Variants in SORCS1 observed in about 807,000 individuals in gnomAD.
SORCS1 encodes VPS10 domain-containing receptor SorCS1.
In SORCS1, 60 loss-of-function variants were observed where a neutral mutation model predicts 146.1. The ratio of observed to expected loss-of-function variants is 0.41; its 90% confidence interval spans 0.33 to 0.51. The LOEUF is 0.51. Among genes scored for constraint, SORCS1 ranks in the 20% least tolerant of loss-of-function variants. The probability of loss-of-function intolerance (pLI) is 0.21; values close to 1 mark genes in which losing one functional copy is unlikely to be tolerated. For synonymous variants in SORCS1, 637 were observed against 584.0 expected (o/e 1.09, Z -1.31); for missense variants, 1,352 against 1,487.6 (o/e 0.91, Z 1.50).
the SORCS1 span, among the ~76,000 whole-genome samples, chr10:107,179,325 T>A: frequency 6.6e-6 from 1 of 152,232 alleles, no homozygotes; most frequent in Non-Finnish European, 1.5e-5. Context: ...GATATGTTAA[T>A]TAGCCTGATG....
chr10:106,692,465 G>A (rs1384685665), intron 9 of SORCS1, among the ~76,000 whole-genome samples: 2 of 152,168 alleles, frequency 1.3e-5, no homozygotes, highest in African/African-American at 4.8e-5. Flanking sequence ...GATGCGAGGA[G>A]GAGAAATGGG....
intron 1 of SORCS1, among the ~76,000 whole-genome samples, chr10:107,058,074 C>T (rs1214028233): frequency 1.3e-5 from 2 of 152,122 alleles, no homozygotes; most frequent in African/African-American, 4.8e-5. Context: ...CGGAGTCTTG[C>T]TCTGTCGCCC....
At chr10:106,810,078 A>G (rs1299888520) in intron 3 of SORCS1, among the ~76,000 whole-genome samples, 2 of 152,146 alleles carry the variant, frequency 1.3e-5, no homozygotes, top group Non-Finnish European at 2.9e-5. Context: ...AAAATTAGCC[A>G]AGTGTCGTGG....
chr10:107,085,814 A>G (rs1031793724), intron 1 of SORCS1, among the ~76,000 whole-genome samples: 5 of 152,240 alleles, frequency 3.3e-5, no homozygotes, highest in Non-Finnish European at 4.4e-5. Flanking sequence ...CAAGAAGAGT[A>G]GACAATGAGC....
At chr10:106,956,129 CAA>C (rs201562634) in intron 2 of SORCS1, among the ~76,000 whole-genome samples, 17 of 125,394 alleles carry the variant, frequency 1.4e-4, no homozygotes, top group Admixed American at 2.5e-4. Context: ...AACTCCGTCT[CAA>C]AAAAAAAAAA....
chr10:106,924,362 T>C (rs1952877347), intron 2 of SORCS1, among the ~76,000 whole-genome samples: 1 of 152,200 alleles, frequency 6.6e-6, no homozygotes, highest in South Asian at 2.1e-4. Context: ...AGGAACATTT[T>C]ATTGTATTAG....
chr10:106,863,814 T>TA (rs1223246386), intron 2 of SORCS1, among the ~76,000 whole-genome samples: 3,287 of 135,910 alleles, frequency 0.024, 86 homozygotes, highest in East Asian at 0.13. Context: ...AGATTTTCCT[T>TA]AAAAAAAAAA....
At chr10:107,061,152 T>A (rs1961178195) in intron 1 of SORCS1, among the ~76,000 whole-genome samples, 1 of 152,138 alleles carries the variant, frequency 6.6e-6, no homozygotes, top group Admixed American at 6.6e-5. Flanking sequence ...TCTGATGGTG[T>A]TTAACGAGAA....
At position 106,977,953 on chromosome 10, in the gene SORCS1, A is replaced by AT. The variant is rs757545316; in HGVS notation, c.559-21374dup. ...GCGCATGATATGTTTGTGGTTCATC[A>AT]TTTTTTTTGAGATGGAGTTTTGCTC... On this transcript the variant is annotated intron_variant, in intron 1 of 25. Transcript: ENST00000263054. Among the ~76,000 whole-genome samples the AT allele has an allele frequency of 5.9e-5, 9 of 152,012 alleles. No homozygotes were observed. In the East Asian group the frequency reaches 7.7e-4, roughly 13 times the overall value.
chr10:106,610,817 G>A (rs766952510), intron 22 of SORCS1, among the ~76,000 whole-genome samples: 4 of 152,186 alleles, frequency 2.6e-5, no homozygotes, highest in South Asian at 4.1e-4. Flanking sequence ...AGTGGCTCAC[G>A]CCTGTAATCC....
intron 3 of SORCS1, 32 bp downstream of exon 3, chr10:106,829,542 A>G: frequency 1.3e-6 from 2 of 1,493,872 alleles, no homozygotes; most frequent in Non-Finnish European, 1.8e-6. Context: ...TCACATCATG[A>G]ATGAGTAGCA....
intron 17 of SORCS1, among the ~76,000 whole-genome samples, chr10:106,662,041 G>A (rs2135383397): frequency 6.6e-6 from 1 of 152,272 alleles, no homozygotes; most frequent in African/African-American, 2.4e-5. Flanking sequence ...CCACCTGGAG[G>A]GACATTCTGC....
At chr10:106,892,277 C>G (rs1006524769) in intron 2 of SORCS1, among the ~76,000 whole-genome samples, 6 of 152,182 alleles carry the variant, frequency 3.9e-5, no homozygotes, top group African/African-American at 1.2e-4. Flanking sequence ...CAACTGCAAT[C>G]CACTTGTCTT....
intron 4 of SORCS1, 53 bp downstream of exon 4, chr10:106,776,481 A>G (rs1017766473): frequency 1.2e-5 from 20 of 1,601,852 alleles, no homozygotes; most frequent in Admixed American, 1.7e-5. Flanking sequence ...AATTAGCACT[A>G]TTTTCCCCGG....
At chr10:107,033,771 G>A (rs750929892) in intron 1 of SORCS1, among the ~76,000 whole-genome samples, 115 of 152,106 alleles carry the variant, frequency 7.6e-4, no homozygotes, top group Non-Finnish European at 1.4e-3. Context: ...CGAAGTTTTT[G>A]CTGCTTTTCT....
intron 1 of SORCS1, among the ~76,000 whole-genome samples, chr10:107,153,748 T>C (rs939280343): frequency 1.3e-5 from 2 of 152,230 alleles, no homozygotes; most frequent in African/African-American, 4.8e-5. Flanking sequence ...ACAAACTCGT[T>C]TGCTCTCTCT....
chr10:106,821,912 A>G (rs1399082180), intron 3 of SORCS1, among the ~76,000 whole-genome samples: 1 of 151,316 alleles, frequency 6.6e-6, no homozygotes, highest in Admixed American at 6.6e-5. Flanking sequence ...ACAGAGCAAG[A>G]CTCCATCTCA....
At chr10:107,163,896 C>T (rs1324139962) in intron 1 of SORCS1, 73 bp downstream of exon 1, 6 of 1,496,602 alleles carry the variant, frequency 4.0e-6, no homozygotes, top group Non-Finnish European at 5.4e-6. Context: ...CCCCAATTCT[C>T]CATCAGATCA....
Position 106,574,893 on chromosome 10 carries a change from T to C in SORCS1, c.*2527A>G, listed in dbSNP as rs182680547. ...TGGTCACTTCCCAAAATGCCAGGTA[T>C]CTCATGTCGACCTCTATTTTTAATT... On this transcript the variant is annotated 3_prime_UTR_variant, in exon 26 of 26. Transcript: ENST00000263054. 2.0e-5 allele frequency: 3 copies of C among 152,722 alleles called. No homozygotes were observed. Among genetic ancestry groups the C allele is most frequent in the Admixed American group, 6.5e-5 (1 of 15,302 alleles). 9.5% of individuals were successfully genotyped at this position (152,722 alleles called of 1,614,324 possible).
Sources: allele counts gnomAD v4.1 joint callset (sites outside exome capture counted in the v4.1 genomes callset), GRCh38; gene constraint gnomAD v4.1.1; transcripts MANE v1.5; gene names NCBI Gene and HGNC (gene_info 2026-07-23, HGNC 2026-07-21).